Variants in NKAIN2 observed in about 807,000 individuals in gnomAD.
The protein encoded by NKAIN2 is sodium/potassium transporting ATPase interacting 2.
A neutral mutation model predicts 32.6 loss-of-function variants in NKAIN2; 14 were observed. That is an observed-to-expected ratio of 0.43 (90% confidence interval 0.28 to 0.67). The LOEUF is 0.67. Ranked by LOEUF, NKAIN2 falls within the 30% of genes least tolerant of loss-of-function variation. The pLI, the probability that NKAIN2 is intolerant of heterozygous loss-of-function variation, is 0.17. For missense variants in NKAIN2, 198 were observed against 258.3 expected (o/e 0.77, Z 1.60); for synonymous variants, 80 against 87.2 (o/e 0.92, Z 0.46).
At chr6:124,743,508 A>C (rs1444979602) in intron 4 of NKAIN2, among the ~76,000 whole-genome samples, 1 of 151,736 alleles carries the variant, frequency 6.6e-6, no homozygotes, top group Non-Finnish European at 1.5e-5. Flanking sequence ...TTTGTCAATG[A>C]ATTTAGTGAA....
intron 1 of NKAIN2, among the ~76,000 whole-genome samples, chr6:124,243,430 G>A (rs1793217363): frequency 6.6e-6 from 1 of 151,890 alleles, no homozygotes; most frequent in South Asian, 2.1e-4. Flanking sequence ...GGGAGGTGGA[G>A]GTTGCAGTGA....
chr6:124,464,120 TG>T (rs1347596175), intron 3 of NKAIN2, among the ~76,000 whole-genome samples: 1 of 152,076 alleles, frequency 6.6e-6, no homozygotes, highest in African/African-American at 2.4e-5. Flanking sequence ...CCTGAGTAGC[TG>T]GAATTACAGG....
At chr6:124,778,272 G>A (rs1779071086) in intron 4 of NKAIN2, among the ~76,000 whole-genome samples, 1 of 151,240 alleles carries the variant, frequency 6.6e-6, no homozygotes, top group South Asian at 2.1e-4. Context: ...AAAACTACAA[G>A]TCAAAGGAGA....
intron 1 of NKAIN2, among the ~76,000 whole-genome samples, chr6:124,056,572 G>A (rs915794537): frequency 6.6e-6 from 1 of 151,954 alleles, no homozygotes; most frequent in African/African-American, 2.4e-5. Flanking sequence ...TAATAAATGT[G>A]CATCATTAAT....
intron 1 of NKAIN2, among the ~76,000 whole-genome samples, chr6:123,906,358 C>G (rs1774872204): frequency 6.6e-6 from 1 of 151,778 alleles, no homozygotes; most frequent in Non-Finnish European, 1.5e-5. Flanking sequence ...TCATGGCTCA[C>G]TGGCTCACTG....
intron 1 of NKAIN2, among the ~76,000 whole-genome samples, chr6:124,215,414 T>A (rs139066753): frequency 2.1e-3 from 318 of 152,176 alleles, no homozygotes; most frequent in African/African-American, 7.2e-3. Context: ...CTCTCCAATA[T>A]GATGGGCCCA....
intron 1 of NKAIN2, among the ~76,000 whole-genome samples, chr6:124,160,211 T>A (rs948641822): frequency 1.3e-5 from 2 of 152,078 alleles, no homozygotes; most frequent in African/African-American, 4.8e-5. Context: ...GTAGGAAAAT[T>A]TTCCCCTCGC....
intron 1 of NKAIN2, among the ~76,000 whole-genome samples, chr6:123,975,322 T>A (rs970475493): frequency 1.3e-5 from 2 of 152,166 alleles, no homozygotes; most frequent in Admixed American, 6.5e-5. Flanking sequence ...GTGAAAAAAA[T>A]TATAGAATTA....
chr6:124,792,619 C>T (rs1004852660), intron 5 of NKAIN2, among the ~76,000 whole-genome samples: 14 of 152,014 alleles, frequency 9.2e-5, no homozygotes, highest in African/African-American at 2.4e-4. Flanking sequence ...GTGTAGTGCA[C>T]GCTGTGGGTA....
At chr6:124,078,522 AC>A (rs1783801763) in intron 1 of NKAIN2, among the ~76,000 whole-genome samples, 1 of 152,208 alleles carries the variant, frequency 6.6e-6, no homozygotes, top group South Asian at 2.1e-4. Flanking sequence ...CCAAAGTCAC[AC>A]AGCTAATAAA....
At chr6:123,823,449 T>A (rs964943948) in intron 1 of NKAIN2, 2 of 152,234 alleles carry the variant, frequency 1.3e-5, no homozygotes, top group Non-Finnish European at 2.9e-5. Flanking sequence ...GTGACATTAC[T>A]GTTGGGAGGT....
chr6:124,123,954 A>G (rs1050278779), intron 1 of NKAIN2, among the ~76,000 whole-genome samples: 7 of 152,154 alleles, frequency 4.6e-5, no homozygotes, highest in African/African-American at 1.7e-4. Context: ...ATCATAATGC[A>G]GGATACTGAT....
At chr6:124,088,008 C>G (rs78680840) in intron 1 of NKAIN2, among the ~76,000 whole-genome samples, 1 of 151,894 alleles carries the variant, frequency 6.6e-6, no homozygotes, top group African/African-American at 2.4e-5. Context: ...ACGTTGCATT[C>G]GCATTTTTGC....
At chr6:123,821,254 T>C (rs1773910983) in intron 1 of NKAIN2, among the ~76,000 whole-genome samples, 1 of 152,194 alleles carries the variant, frequency 6.6e-6, no homozygotes, top group Non-Finnish European at 1.5e-5. Flanking sequence ...GAAATTGAAA[T>C]AACCCTTTAA....
chr6:124,496,955 T>G (rs1409561786), intron 3 of NKAIN2, among the ~76,000 whole-genome samples: 1 of 152,092 alleles, frequency 6.6e-6, no homozygotes, highest in African/African-American at 2.4e-5. Flanking sequence ...ACCTAGTATC[T>G]GGACCTGCGG....
intron 3 of NKAIN2, among the ~76,000 whole-genome samples, chr6:124,552,962 G>A (rs1016962946): frequency 2.6e-5 from 4 of 152,100 alleles, no homozygotes; most frequent in African/African-American, 9.7e-5. Context: ...ACTTTAACAG[G>A]CAAACAAAAG....
chr6:123,903,529 T>C (rs1342369202), intron 1 of NKAIN2, among the ~76,000 whole-genome samples: 2 of 152,190 alleles, frequency 1.3e-5, no homozygotes, highest in Non-Finnish European at 1.5e-5. Context: ...ATCTACCGGA[T>C]AGAGCAAGAG....
In NKAIN2 at chr6:123,992,547, TA is replaced by T. The variant is rs533660515; in HGVS notation, c.54+188295del. ...GGTAAAGTAACATAAAGGAATATAC[TA>T]ACATCCAATCAAATTAGAATAACAA... On this transcript the variant is annotated intron_variant, in intron 1 of 6. Coordinates refer to ENST00000368417, the MANE Select transcript of NKAIN2 (RefSeq NM_001040214.3). Among the ~76,000 whole-genome samples the T allele has an allele frequency of 5.6e-3, 852 of 152,326 alleles. 3 individuals are homozygous for T. Among genetic ancestry groups the T allele is most frequent in the Non-Finnish European group, 9.7e-3 (660 of 68,018 alleles).
intron 4 of NKAIN2, among the ~76,000 whole-genome samples, chr6:124,697,754 A>G (rs6569390): frequency 0.65 from 99,446 of 152,060 alleles, 33,060 homozygotes; most frequent in East Asian, 0.79. Context: ...TTTCTATTGT[A>G]TACTAACAGG....
Sources: gnomAD v4.1 joint callset for allele counts (sites outside exome capture counted in the v4.1 genomes callset) on GRCh38, gnomAD v4.1.1 for gene constraint, MANE v1.5 for transcripts, NCBI Gene and HGNC (gene_info 2026-07-23, HGNC 2026-07-21) for gene names.